The following TTN variants were observed in gnomAD, a reference collection of about 807,000 sequenced individuals.
TTN encodes the protein connectin.
In TTN, 1,525 loss-of-function variants were observed where a neutral mutation model predicts 3,223.0. The observed-to-expected ratio is 0.47, with a 90% CI of 0.45 to 0.49. The LOEUF (loss-of-function observed/expected upper bound fraction) is 0.49. TTN is among the 20% of genes least tolerant of loss of function. The pLI is 0.00. For synonymous variants in TTN, 14,094 were observed against 15,161.0 expected, an observed-to-expected ratio of 0.93 and a Z score of 5.17; for missense variants, 40,786 against 43,424.0, an observed-to-expected ratio of 0.94 and a Z score of 5.40.
At chr2:178,744,705 A>G in intron 47 of TTN, 3 of 979,684 alleles carry the variant, frequency 3.1e-6, no homozygotes, top group Non-Finnish European at 3.6e-6. Context: ...TTTAAATTTT[A>G]AAGATTCTGA....
At chr2:178,806,278 A>G (rs1482886762) in intron 1 of TTN, among the ~76,000 whole-genome samples, 2 of 152,290 alleles carry the variant, frequency 1.3e-5, no homozygotes, top group African/African-American at 4.8e-5. Context: ...TTGTCTGTTT[A>G]TAAGTTAGTA....
rs78550812 is a variant in TTN at position 178,760,520 on chromosome 2, A to G, written c.10115-1348T>C. Among the ~76,000 whole-genome samples the G allele has an allele frequency of 5.1e-3, 773 of 152,344 alleles. 8 individuals are homozygous for G. Among genetic ancestry groups the G allele is most frequent in the African/African-American group, 0.017 (724 of 41,570 alleles). ...TGACAGAGCAAGACTCCATCAAAATATATACATATAAAGAAAATGAAATCT... is the reference window on the plus strand; with the variant it reads ...TGACAGAGCAAGACTCCATCAAAATGTATACATATAAAGAAAATGAAATCT... On this transcript the variant is annotated intron_variant, in intron 43 of 362. Coordinates refer to ENST00000589042, the MANE Select transcript of TTN (RefSeq NM_001267550.2).
chr2:178,738,553 T>A (rs947492393), intron 48 of TTN, among the ~76,000 whole-genome samples, 193 bp from the exon 49 acceptor site: 29 of 152,006 alleles, frequency 1.9e-4, no homozygotes, highest in African/African-American at 6.3e-4. Flanking sequence ...AAGCTTTTTT[T>A]AAAAAAAACC....
Position 178,554,500 on chromosome 2 carries a change from A to T in TTN, c.88847T>A (p.Ile29616Asn). The change falls in exon 332 of 363, where the codon ATT becomes AAT. Residue 29616 changes from isoleucine (I) to asparagine (N), a missense_variant. Coordinates refer to ENST00000589042, the MANE Select transcript of TTN (RefSeq NM_001267550.2). Reference sequence around the variant, plus strand: ...GGAATCAGATTCCAGTGGCTCGCCAATTCCATATTTGTTCACGGCTCGGAC... The same window carrying T: ...GGAATCAGATTCCAGTGGCTCGCCATTTCCATATTTGTTCACGGCTCGGAC... ...FRVRAVNKYG[I>N]GEPLESDSVV... The T allele has an allele frequency of 6.2e-7, 1 of 1,613,214 alleles. No homozygotes were observed. The highest frequency in any genetic ancestry group is 8.5e-7 in the Non-Finnish European group (1 of 1,179,682).
At position 178,572,236 on chromosome 2, in the gene TTN, A is replaced by G. The variant is rs553251216; in HGVS notation, c.73896T>C (p.Ser24632=). Residue 24632 remains serine (S), a synonymous_variant, in exon 326 of 363, where the codon AGT becomes AGC. Coordinates refer to ENST00000589042, the MANE Select transcript of TTN (RefSeq NM_001267550.2). ...CTGGTTTCTCCCAAGAGAGTGACAC[A>G]CTATTTCTTGTGACATCCATCAAAG... The part of the protein sequence containing the change: ...KITLMDVTRN[S]VSLSWEKPEH... The G allele has an allele frequency of 1.2e-5, 20 of 1,613,366 alleles. No individual in the cohort carries two copies. The highest frequency in any genetic ancestry group is 4.0e-5 in the African/African-American group (3 of 75,002).
At position 178,630,934 on chromosome 2, in the gene TTN, A is replaced by G; in HGVS notation, c.44024T>C (p.Ile14675Thr). 6.2e-7 allele frequency: 1 copy of G among 1,611,386 alleles called. No individual in the cohort carries two copies. Among genetic ancestry groups the G allele is most frequent in the Admixed American group, 1.7e-5 (1 of 59,506 alleles). Reference sequence around the variant, plus strand: ...ACTGTGCAGGGGTCGCACCAGTTTAATTTCCCGATCTAGAAAAGTGAAGGG... The same window carrying G: ...ACTGTGCAGGGGTCGCACCAGTTTAGTTTCCCGATCTAGAAAAGTGAAGGG... ...SGKLDIEDREIKLVRPLHSVE... is the reference protein window; with the variant it reads ...SGKLDIEDRETKLVRPLHSVE... Residue 14675 changes from isoleucine (I) to threonine (T), a missense_variant, in exon 238 of 363, where the codon ATT (isoleucine) becomes ACT (threonine). Coordinates refer to ENST00000589042, the MANE Select transcript of TTN (RefSeq NM_001267550.2).
chr2:178,555,717 C>T (rs527245834), intron 330 of TTN: 1 of 152,872 alleles, frequency 6.5e-6, no homozygotes, highest in South Asian at 2.1e-4. Flanking sequence ...TCCACAAAGC[C>T]TGATTCATAA....
chr2:178,763,389 A>G (rs2089709339), intron 43 of TTN, among the ~76,000 whole-genome samples: 1 of 152,168 alleles, frequency 6.6e-6, no homozygotes, highest in Admixed American at 6.5e-5. Context: ...TAATAATCTT[A>G]AGTGTTTGGT....
chr2:178,751,858 A>G (rs762468333), intron 47 of TTN: 1 of 1,609,736 alleles, frequency 6.2e-7, no homozygotes, highest in Non-Finnish European at 8.5e-7. Context: ...CCTCTAAAAC[A>G]TATTTAAATG....
intron 222 of TTN, 22 bp downstream of exon 222, chr2:178,640,026 C>G: frequency 6.2e-7 from 1 of 1,611,100 alleles, no homozygotes; most frequent in Non-Finnish European, 8.5e-7. Context: ...ATGCTGTTGA[C>G]ATTGAGGATA....
In TTN at chr2:178,633,266, G is replaced by A. The variant is rs749230107; in HGVS notation, c.43007C>T (p.Ala14336Val). The A allele has an allele frequency of 6.8e-6, 11 of 1,613,288 alleles. No individual in the cohort carries two copies. In the East Asian group the frequency reaches 2.5e-4, roughly 36 times the overall value. The part of the protein sequence containing the change: ...YGVEVFVGET[A>V]HFEIELSEPD... ...TTCAGAAAGTTCAATTTCAAAGTGG[G>A]CTGTTTCACCAACAAACACCTCTAC... The change falls in exon 233 of 363, where the codon GCC (alanine) becomes GTC (valine). Residue 14336 changes from alanine (A) to valine (V), a missense_variant. Coordinates refer to ENST00000589042, the MANE Select transcript of TTN (RefSeq NM_001267550.2).
rs1375604948 is a variant in TTN, at chr2:178,561,750, G to A, written c.84382C>T (p.Arg28128Cys). 20 of 1,613,306 alleles carry A rather than the reference G, an allele frequency of 1.2e-5. No homozygotes were observed. The highest frequency in any genetic ancestry group is 2.2e-5 in the East Asian group (1 of 44,776). The change falls in exon 326 of 363, where the codon CGT becomes TGT. Residue 28128 changes from arginine (R) to cysteine (C), a missense_variant. By Grantham distance (180) the Arg-to-Cys change is radical. Transcript: ENST00000589042. ...CCATAGCGGTTTTCTGCACAAACAC[G>A]GAACTGATACTCACTTCCTGTTGTC... The part of the protein sequence containing the change: ...RLTTGSEYQF[R>C]VCAENRYGKS...
At chr2:178,610,896 A>G (rs988914832) in intron 270 of TTN, 97 bp downstream of exon 270, 33 of 1,451,320 alleles carry the variant, frequency 2.3e-5, no homozygotes, top group Non-Finnish European at 3.0e-5. Context: ...ACAAGTGGCC[A>G]GTTCATGAAG....
At position 178,664,714 on chromosome 2, in the gene TTN, C is replaced by G. The variant is rs768872042; in HGVS notation, c.36142G>C (p.Val12048Leu). 1.3e-5 allele frequency: 21 copies of G among 1,612,332 alleles called. No homozygotes were observed. The highest frequency in any genetic ancestry group is 1.6e-4 in the Middle Eastern group (1 of 6,084). Residue 12048 changes from valine to leucine, a missense_variant, in exon 167 of 363, where the codon GTC becomes CTC. Val to Leu is a conservative substitution (Grantham distance 32). Transcript: ENST00000589042. Reference protein sequence around the residue: ...VKVPEALQEIVPEKKTLVVPL... With the variant: ...VKVPEALQEILPEKKTLVVPL... ...ACCACAAGCGTTTTCTTTTCAGGGA[C>G]AATTTCTTGGAGAGCTTCAGGCACT...
Position 178,611,305 on chromosome 2 carries a change from A to AGTAT in TTN, c.50858-38_50858-35dup, listed in dbSNP as rs1299033036. 5.0e-6 allele frequency: 8 copies of AGTAT among 1,610,802 alleles called. No individual in the cohort carries two copies. In the East Asian group the frequency reaches 6.7e-5, roughly 14 times the overall value. On this transcript the variant is annotated intron_variant, in intron 269 of 362. Transcript: ENST00000589042. ...TATCATTCAAAAGAGCAAAAAACAGAGTATGTCAAAATGCAATGCATGAAT... is the reference window on the plus strand; with the variant it reads ...TATCATTCAAAAGAGCAAAAAACAGAGTATGTATGTCAAAATGCAATGCATGAAT...
chr2:178,714,053 C>T lies in TTN; in HGVS notation c.26605G>A (p.Glu8869Lys), dbSNP rs375373507. The T allele has an allele frequency of 5.0e-6, 8 of 1,613,596 alleles. No homozygotes were observed. Among genetic ancestry groups the T allele is most frequent in the Non-Finnish European group, 5.9e-6 (7 of 1,179,700 alleles). Residue 8869 changes from glutamate to lysine, a missense_variant, in exon 92 of 363, where the codon GAG becomes AAG. Transcript: ENST00000589042. ...LSTKWFKDGK[E>K]LTSDNKYKIS... ...TTGTATTTGTTGTCACTTGTTAGCT[C>T]TTTTCCATCCTTAAACCACTTAGTA...
chr2:178,567,352 A>G lies in TTN; in HGVS notation c.78780T>C (p.Asp26260=), dbSNP rs752578224. ...AAGCTCTTAAAATATACTGCCCACCATCAATTCTAATTGCATCTTTTACAA... is the reference window on the plus strand; with the variant it reads ...AAGCTCTTAAAATATACTGCCCACCGTCAATTCTAATTGCATCTTTTACAA... ...LLIVKDAIRI[D]GGQYILRASN... The change falls in exon 326 of 363, where the codon GAT becomes GAC. Residue 26260 remains aspartate (D), a synonymous_variant. Transcript: ENST00000589042. 8.8e-5 allele frequency: 140 copies of G among 1,597,374 alleles called. No individual in the cohort carries two copies. The highest frequency in any genetic ancestry group is 1.2e-4 in the Non-Finnish European group (137 of 1,174,134).
rs776237176 is a variant in TTN, at chr2:178,528,552, G to A, written c.107199C>T (p.Ile35733=). Residue 35733 remains isoleucine (I), a synonymous_variant, in exon 360 of 363, where the codon ATC becomes ATT. Transcript: ENST00000589042. ...CEISGEPSPE[I]EWFKNNLPIS... is the part of the protein sequence containing the mutation. Reference sequence around the variant, plus strand: ...CTGGCAGGTTGTTTTTAAACCATTCGATTTCAGGGGATGGCTCGCCACTGA... The same window carrying A: ...CTGGCAGGTTGTTTTTAAACCATTCAATTTCAGGGGATGGCTCGCCACTGA... 6.8e-6 allele frequency: 11 copies of A among 1,609,538 alleles called. No homozygotes were observed. The highest frequency in any genetic ancestry group is 6.7e-5 in the Admixed American group (4 of 59,646).
chr2:178,733,305 G>A lies in TTN; in HGVS notation c.15988C>T (p.Gln5330Ter). 6.2e-7 allele frequency: 1 copy of A among 1,613,626 alleles called. No homozygotes were observed. The highest frequency in any genetic ancestry group is 8.5e-7 in the Non-Finnish European group (1 of 1,179,688). Residue 5330 changes from glutamine (Q) to a stop codon, truncating the protein, a stop_gained, in exon 54 of 363, where the codon CAA becomes TAA. Transcript: ENST00000589042. LOFTEE classifies it high-confidence loss of function. The stretch of plus-strand genomic sequence containing the variant: ...TCATTGGAAATCTCAAATGTGTATT[G>A]GCCACTGTCGTGCAGCTCAGCTGAA... ...FYSAELHDSG[Q>*]YTFEISNEVG...
Sources: gnomAD v4.1 joint callset for allele counts (sites outside exome capture counted in the v4.1 genomes callset) on GRCh38, gnomAD v4.1.1 for gene constraint, MANE v1.5 for transcripts, NCBI Gene and HGNC (gene_info 2026-07-23, HGNC 2026-07-21) for gene names.